Variants in FBXO40 observed in about 807,000 individuals in gnomAD.
The protein encoded by FBXO40 is F-box protein 40.
In FBXO40, 50 loss-of-function variants were observed where a neutral mutation model predicts 49.9. The observed-to-expected ratio is 1.00, with a 90% confidence interval of 0.80 to 1.27. The LOEUF (loss-of-function observed/expected upper bound fraction) is 1.27. Among genes scored for constraint, FBXO40 ranks in the 50% most tolerant of loss-of-function variants. The pLI is 0.00. For missense variants in FBXO40, 895 were observed against 870.1 expected (o/e 1.03, Z -0.36); for synonymous variants, 340 against 320.2 (o/e 1.06, Z -0.66).
intron 1 of FBXO40, among the ~76,000 whole-genome samples, chr3:121,608,812 G>A (rs2048949391): frequency 6.6e-6 from 1 of 152,196 alleles, no homozygotes; most frequent in South Asian, 2.1e-4. Flanking sequence ...TAGGCTACTG[G>A]CTGTGGAATA....
In FBXO40 at chr3:121,622,432, G is replaced by C. The variant is rs1463435203; in HGVS notation, c.1003G>C (p.Val335Leu). The C allele has an allele frequency of 1.9e-6, 3 of 1,614,106 alleles. No homozygotes were observed. The highest frequency in any genetic ancestry group is 2.5e-6 in the Non-Finnish European group (3 of 1,180,056). The change falls in exon 3 of 4, where the codon GTT (valine) becomes CTT (leucine). Residue 335 changes from valine to leucine, a missense_variant. Transcript: ENST00000338040. The part of the protein sequence containing the change: ...PACTPKERDF[V>L]YGKLEAQEVK... ...TTGTACACCCAAGGAGAGAGACTTT[G>C]TTTATGGCAAGCTGGAGGCTCAGGA...
At chr3:121,594,012 C>T (rs1406525885) in intron 1 of FBXO40, among the ~76,000 whole-genome samples, 1 of 151,816 alleles carries the variant, frequency 6.6e-6, no homozygotes, top group East Asian at 1.9e-4. Context: ...ACTACAGGCA[C>T]ATGCCACCAC....
intron 1 of FBXO40, among the ~76,000 whole-genome samples, chr3:121,606,412 C>A (rs1464102): frequency 2.0e-5 from 3 of 151,984 alleles, no homozygotes; most frequent in Non-Finnish European, 2.9e-5. Flanking sequence ...TATTGGAGTG[C>A]TCAGAGCACT....
At chr3:121,615,589 A>AAG (rs2048993327) in intron 1 of FBXO40, among the ~76,000 whole-genome samples, 9 of 151,598 alleles carry the variant, frequency 5.9e-5, no homozygotes, top group African/African-American at 1.9e-4. Context: ...GAAGAAGAAG[A>AAG]AAGAAAGAAA....
intron 1 of FBXO40, among the ~76,000 whole-genome samples, chr3:121,617,610 A>C (rs935121990): frequency 6.6e-6 from 1 of 151,972 alleles, no homozygotes. Context: ...ACAACAACAA[A>C]ATTTTTTAAA....
At chr3:121,610,554 T>C (rs2048958823) in intron 1 of FBXO40, among the ~76,000 whole-genome samples, 1 of 152,196 alleles carries the variant, frequency 6.6e-6, no homozygotes, top group African/African-American at 2.4e-5. Flanking sequence ...TTATCATAAT[T>C]AACAGGCTTT....
rs2048969631 is a variant in FBXO40 at position 121,612,173 on chromosome 3, T to C, written c.-30-8373T>C. ...ACCCTCTAAAAACCAGCTGAATTTT[T>C]TCTGGCATAAGGCTGTCAGGCACAG... On this transcript the variant is annotated intron_variant, in intron 1 of 3. Coordinates refer to ENST00000338040, the MANE Select transcript of FBXO40 (RefSeq NM_016298.4). Among the ~76,000 whole-genome samples the C allele has an allele frequency of 2.0e-5, 3 of 152,132 alleles. No individual in the cohort carries two copies. In the South Asian group the frequency reaches 6.2e-4, roughly 31 times the overall value.
In FBXO40 at chr3:121,607,300, CTTTTTTTTT is replaced by C. The variant is rs555162944; in HGVS notation, c.-30-13229_-30-13221del. 4.2e-3 allele frequency among the ~76,000 whole-genome samples: 251 copies of C among 60,150 alleles called. 1 individual carries two copies. The highest frequency in any genetic ancestry group is 0.016 in the African/African-American group (238 of 15,100). The allele number at this position is 60,150 out of a possible 152,430, so 39.5% of individuals were successfully genotyped here. On this transcript the variant is annotated intron_variant, in intron 1 of 3. Coordinates refer to ENST00000338040, the MANE Select transcript of FBXO40 (RefSeq NM_016298.4). ...AAAAAATTGAGAGACCTCTAAAGCT[CTTTTTTTTT>C]TTTTTTTTTTTTTTTTGTGAGATGG...
At chr3:121,602,405 G>GTTCC (rs746772272) in intron 1 of FBXO40, among the ~76,000 whole-genome samples, 56 of 152,166 alleles carry the variant, frequency 3.7e-4, no homozygotes, top group Non-Finnish European at 6.3e-4. Context: ...TCCCCAAATT[G>GTTCC]TTCCCTCTTT....
At chr3:121,597,658 CCTTT>C (rs2048879122) in intron 1 of FBXO40, among the ~76,000 whole-genome samples, 1 of 127,820 alleles carries the variant, frequency 7.8e-6, no homozygotes. Context: ...TTATAGGCCC[CCTTT>C]TTTTTTTTTT....
At chr3:121,599,189 CA>C (rs1398720862) in intron 1 of FBXO40, among the ~76,000 whole-genome samples, 4 of 151,940 alleles carry the variant, frequency 2.6e-5, no homozygotes, top group Non-Finnish European at 4.4e-5. Context: ...ACACAGGGGC[CA>C]GGGGTGGTGG....
intron 1 of FBXO40, among the ~76,000 whole-genome samples, chr3:121,620,084 C>G (rs1250877159): frequency 6.6e-6 from 1 of 152,226 alleles, no homozygotes; most frequent in African/African-American, 2.4e-5. Context: ...CACCTATACA[C>G]TGCCCCAGAC....
chr3:121,599,816 G>A (rs548274787), intron 1 of FBXO40, among the ~76,000 whole-genome samples: 88 of 146,662 alleles, frequency 6.0e-4, no homozygotes, highest in African/African-American at 1.2e-3. Flanking sequence ...TCTGCCTCCC[G>A]GGTTCAAGAG....
In FBXO40 at chr3:121,627,625, C is replaced by A. The variant is rs1373535537; in HGVS notation, c.*715C>A. ...ATAAATCGGGAGTCCAAAGGAGACA[C>A]CATATTTATGGAGAACATTAGGACA... is the stretch of plus-strand genomic sequence containing the variant. On this transcript the variant is annotated 3_prime_UTR_variant, in exon 4 of 4. Coordinates refer to ENST00000338040, the MANE Select transcript of FBXO40 (RefSeq NM_016298.4). 2.6e-6 allele frequency: 1 copy of A among 385,864 alleles called. No individual in the cohort carries two copies. The highest frequency in any genetic ancestry group is 2.1e-5 in the African/African-American group (1 of 48,362). The allele number at this position is 385,864 out of a possible 1,614,324, so 23.9% of individuals were successfully genotyped here.
chr3:121,610,211 G>T (rs951067776), intron 1 of FBXO40, among the ~76,000 whole-genome samples: 15 of 152,228 alleles, frequency 9.9e-5, no homozygotes, highest in African/African-American at 3.4e-4. Context: ...ATAAGGGGCT[G>T]GCTCTGAAGG....
chr3:121,598,521 C>A (rs959729979), intron 1 of FBXO40, among the ~76,000 whole-genome samples: 3 of 152,144 alleles, frequency 2.0e-5, no homozygotes, highest in Non-Finnish European at 4.4e-5. Context: ...CTAGATTTTT[C>A]TAGATGTGCT....
chr3:121,628,169 C>CTTT lies in FBXO40; in HGVS notation c.*1270_*1272dup, dbSNP rs547251674. 2.2e-4 allele frequency: 58 copies of CTTT among 269,656 alleles called. No homozygotes were observed. The highest frequency in any genetic ancestry group is 9.8e-4 in the Middle Eastern group (1 of 1,022). The allele number at this position is 269,656 out of a possible 1,614,324, so 16.7% of individuals were successfully genotyped here. On this transcript the variant is annotated 3_prime_UTR_variant, in exon 4 of 4. Transcript: ENST00000338040. ...TATTGACATTTTTAAATGGATAATT[C>CTTT]TTTTTTTTTTTTTCTAGGTGGGGAG...
rs1029033847 is a variant in FBXO40 at position 121,620,458 on chromosome 3, A to G, written c.-30-88A>G. On this transcript the variant is annotated intron_variant, in intron 1 of 3. Coordinates refer to ENST00000338040, the MANE Select transcript of FBXO40 (RefSeq NM_016298.4). ...AGGATGGTGGAAGGAATTAAATGAG[A>G]TAGTGTGTGAAGTCTCTTTAGCCTC... 3.4e-6 allele frequency: 4 copies of G among 1,166,018 alleles called. No homozygotes were observed. In the African/African-American group the frequency reaches 4.6e-5, roughly 13 times the overall value. The allele number at this position is 1,166,018 out of a possible 1,614,324, so 72.2% of individuals were successfully genotyped here. A position where few individuals can be genotyped will look rare whatever the true frequency, so the allele number is the denominator to read the frequency against.
intron 3 of FBXO40, among the ~76,000 whole-genome samples, 162 bp downstream of exon 3, chr3:121,623,505 C>T (rs1053127792): frequency 3.9e-5 from 6 of 152,116 alleles, no homozygotes; most frequent in African/African-American, 1.4e-4. Flanking sequence ...TTCCAAGTAG[C>T]TGGGACTACA....
Sources: gnomAD v4.1 joint callset for allele counts (sites outside exome capture counted in the v4.1 genomes callset) on GRCh38, gnomAD v4.1.1 for gene constraint, MANE v1.5 for transcripts, NCBI Gene and HGNC (gene_info 2026-07-23, HGNC 2026-07-21) for gene names.